The following CFAP77 variants were observed in gnomAD, a reference collection of about 807,000 sequenced individuals.
The protein encoded by CFAP77 is cilia and flagella associated protein 77.
Under a neutral mutation model 31.1 loss-of-function variants are expected in CFAP77, and 25 were observed. That is an observed-to-expected ratio of 0.80 (90% CI 0.59 to 1.12). The LOEUF is 1.12. Ranked by LOEUF, CFAP77 falls within the 50% of genes most tolerant of loss-of-function variation. CFAP77 has a pLI of 0.00. For synonymous variants in CFAP77, 151 were observed against 159.9 expected (o/e 0.94, Z 0.42); for missense variants, 377 against 397.3 (o/e 0.95, Z 0.44).
Position 132,552,510 on chromosome 9 carries a change from A to T in CFAP77, c.732+9463A>T, listed in dbSNP as rs1004327422. 1.3e-5 allele frequency among the ~76,000 whole-genome samples: 2 copies of T among 152,128 alleles called. No homozygotes were observed. The highest frequency in any genetic ancestry group is 2.9e-5 in the Non-Finnish European group (2 of 68,008). ...CAGGAGTTTGAGACCAGCCTGGCCA[A>T]TATGGTGAAACCCTGTCTCTAGCAA... On this transcript the variant is annotated intron_variant, in intron 5 of 5. Transcript: ENST00000393216. The surrounding 1 kb of genome is among the most constrained non-coding windows in gnomAD (Gnocchi z 5.5).
At chr9:132,571,329 C>G (rs554418814) in intron 5 of CFAP77, among the ~76,000 whole-genome samples, 1 of 152,168 alleles carries the variant, frequency 6.6e-6, no homozygotes, top group Non-Finnish European at 1.5e-5. Context: ...CACGCTACCC[C>G]CCTTTGCCCT....
At chr9:132,444,821 A>T (rs1850682242) in intron 1 of CFAP77, among the ~76,000 whole-genome samples, 1 of 152,036 alleles carries the variant, frequency 6.6e-6, no homozygotes. Flanking sequence ...TTAAATGCTG[A>T]ACCGCATTAG....
chr9:132,519,504 A>ATGGATGGGTGGGTGGG (rs1469687865), intron 3 of CFAP77, among the ~76,000 whole-genome samples: 3 of 35,530 alleles, frequency 8.4e-5, no homozygotes, highest in African/African-American at 1.2e-4. Flanking sequence ...GGATGCATGG[A>ATGGATGGGTGGGTGGG]TGGGTGGGTG....
chr9:132,454,576 C>T (rs778742880), intron 1 of CFAP77, among the ~76,000 whole-genome samples: 64 of 152,234 alleles, frequency 4.2e-4, no homozygotes, highest in Non-Finnish European at 7.2e-4. Context: ...AAGCTGCCCA[C>T]ACATCACATT....
At chr9:132,546,267 G>A (rs1204079043) in intron 5 of CFAP77, among the ~76,000 whole-genome samples, 1 of 152,162 alleles carries the variant, frequency 6.6e-6, no homozygotes, top group Non-Finnish European at 1.5e-5. Context: ...GGGTCCGGGC[G>A]GGTGGCCAGG....
intron 1 of CFAP77, among the ~76,000 whole-genome samples, chr9:132,486,319 C>G (rs1039604930): frequency 6.6e-6 from 1 of 151,198 alleles, no homozygotes; most frequent in Non-Finnish European, 1.5e-5. Context: ...GTCTCGATCT[C>G]CAGACCTCGT....
In CFAP77 at chr9:132,498,444, C is replaced by A. The variant is rs1723884253; in HGVS notation, c.196-251C>A. The stretch of plus-strand genomic sequence containing the variant: ...CCAACAATACACATGTACCGAGAGG[C>A]CCCCCGTCTCTGATGTCTTCACTTG... On this transcript the variant is annotated intron_variant, in intron 1 of 5. Transcript: ENST00000393216. The surrounding 1 kb of genome is among the most constrained non-coding windows in gnomAD (Gnocchi z 4.2). 6.6e-6 allele frequency among the ~76,000 whole-genome samples: 1 copy of A among 152,090 alleles called. No homozygotes were observed. The highest frequency in any genetic ancestry group is 6.5e-5 in the Admixed American group (1 of 15,272).
At chr9:132,561,656 CACA>C (rs1319938858) in intron 5 of CFAP77, among the ~76,000 whole-genome samples, 20 of 85,394 alleles carry the variant, frequency 2.3e-4, no homozygotes, top group Non-Finnish European at 3.0e-4. Context: ...CACACACACA[CACA>C]CACCCCCTCC....
intron 3 of CFAP77, among the ~76,000 whole-genome samples, chr9:132,504,390 C>T (rs1209650389): frequency 6.6e-6 from 1 of 152,204 alleles, no homozygotes; most frequent in Admixed American, 6.5e-5. Flanking sequence ...TGCTGTAAAA[C>T]CAAGTGGCCA....
chr9:132,562,707 T>C (rs1476126924), intron 5 of CFAP77, among the ~76,000 whole-genome samples: 1 of 150,198 alleles, frequency 6.7e-6, no homozygotes, highest in Non-Finnish European at 1.5e-5. Flanking sequence ...TTTATTTTAT[T>C]TTTTTTTTTT....
At position 132,469,423 on chromosome 9, in the gene CFAP77, A is replaced by G. The variant is rs142863770; in HGVS notation, c.196-29272A>G. 5.0e-4 allele frequency among the ~76,000 whole-genome samples: 76 copies of G among 152,324 alleles called. No homozygotes were observed. The East Asian group carries it at 0.014, about 28-fold the overall frequency. ...TGTGCGTGTGGATTATCACTTCATA[A>G]TGCGAGTTAGCATTTAAATAAATAG... On this transcript the variant is annotated intron_variant, in intron 1 of 5. Coordinates refer to ENST00000393216, the MANE Select transcript of CFAP77 (RefSeq NM_001282957.2).
intron 1 of CFAP77, among the ~76,000 whole-genome samples, chr9:132,471,523 T>C (rs1272891724): frequency 1.3e-5 from 2 of 151,426 alleles, no homozygotes; most frequent in Non-Finnish European, 2.9e-5. Flanking sequence ...CCAAAGCCAC[T>C]TCTCAGAGTT....
chr9:132,450,861 G>A (rs1850813344), intron 1 of CFAP77, among the ~76,000 whole-genome samples: 1 of 152,216 alleles, frequency 6.6e-6, no homozygotes, highest in South Asian at 2.1e-4. Context: ...GTGTGAGTGA[G>A]AGGTAAGCAG....
intron 1 of CFAP77, among the ~76,000 whole-genome samples, chr9:132,459,545 G>A (rs531479783): frequency 6.7e-6 from 1 of 149,760 alleles, no homozygotes; most frequent in African/African-American, 2.4e-5. Flanking sequence ...GTGTGTGTAG[G>A]TGTGTGTGTA....
intron 1 of CFAP77, among the ~76,000 whole-genome samples, chr9:132,421,274 G>C (rs989631326): frequency 5.9e-5 from 9 of 151,950 alleles, no homozygotes; most frequent in Non-Finnish European, 1.2e-4. Flanking sequence ...TTACAGGCGT[G>C]AGCCACCATG....
chr9:132,558,641 G>T (rs920013241), intron 5 of CFAP77, among the ~76,000 whole-genome samples: 1 of 151,966 alleles, frequency 6.6e-6, no homozygotes, highest in Non-Finnish European at 1.5e-5. Flanking sequence ...GGAGGCAGAG[G>T]TTGCAGTGAG....
chr9:132,432,795 G>A lies in CFAP77; in HGVS notation c.195+22329G>A, dbSNP rs544851071. 6.6e-5 allele frequency among the ~76,000 whole-genome samples: 10 copies of A among 152,208 alleles called. 1 individual carries two copies. In the South Asian group the frequency reaches 2.1e-3, roughly 32 times the overall value. On this transcript the variant is annotated intron_variant, in intron 1 of 5. Transcript: ENST00000393216. ...GTGGCGCGATCTCGGCTCACTGCAA[G>A]CTCTGCCTCCCGGGTTCACGCCATT...
intron 4 of CFAP77, among the ~76,000 whole-genome samples, chr9:132,542,561 G>C (rs1852663235): frequency 6.6e-6 from 1 of 152,226 alleles, no homozygotes; most frequent in African/African-American, 2.4e-5. Context: ...CTGGAATCGT[G>C]CACTTCTTCA....
chr9:132,503,530 A>G (rs1564231111), intron 3 of CFAP77, among the ~76,000 whole-genome samples: 1 of 152,140 alleles, frequency 6.6e-6, no homozygotes, highest in African/African-American at 2.4e-5. Flanking sequence ...CTAGTGACAC[A>G]TATACTAATC....
Sources: gnomAD v4.1 joint callset for allele counts (sites outside exome capture counted in the v4.1 genomes callset) on GRCh38, gnomAD v4.1.1 for gene constraint, Gnocchi (gnomAD v3.1) non-coding constraint, MANE v1.5 for transcripts, NCBI Gene and HGNC (gene_info 2026-07-23, HGNC 2026-07-21) for gene names.